The following PCDH11X variants were observed in gnomAD, a reference collection of about 807,000 sequenced individuals.
The protein encoded by PCDH11X is protocadherin-11 X-linked.
Under a neutral mutation model 53.3 loss-of-function variants are expected in PCDH11X, and 18 were observed. The observed-to-expected ratio is 0.34, with a 90% confidence interval of 0.23 to 0.50. PCDH11X has a LOEUF of 0.50. Among genes scored for constraint, PCDH11X ranks in the 20% least tolerant of loss-of-function variants. The pLI, the probability that PCDH11X is intolerant of heterozygous loss-of-function variation, is 0.98. For missense variants in PCDH11X, 570 were observed against 1,032.4 expected (o/e 0.55, Z 6.14); for synonymous variants, 279 against 393.3 (o/e 0.71, Z 3.44).
At chrX:92,092,030 C>A (rs1241155030) in intron 6 of PCDH11X, among the ~76,000 whole-genome samples, 4 of 111,316 alleles carry the variant, frequency 3.6e-5, no homozygotes, top group African/African-American at 6.5e-5. Flanking sequence ...TTTTTAATTT[C>A]TTCCTTGTTA....
chrX:92,610,644 A>G (rs1255298829), intron 10 of PCDH11X, among the ~76,000 whole-genome samples: 7 of 111,133 alleles, frequency 6.3e-5, no homozygotes, highest in Non-Finnish European at 1.1e-4. Flanking sequence ...ATTGCTTTTA[A>G]GGATTTAGTC....
At position 91,879,013 on chromosome X, in the gene PCDH11X, C is replaced by T. The variant is rs1328541725; in HGVS notation, c.2773C>T (p.Pro925Ser). 1.7e-6 allele frequency: 2 copies of T among 1,209,324 alleles called. No homozygotes were observed. The highest frequency in any genetic ancestry group is 2.2e-5 in the Admixed American group (1 of 45,658). ...TMGKYNWVTTPTTFKPDSPDL... is the reference protein window; with the variant it reads ...TMGKYNWVTTSTTFKPDSPDL... The stretch of plus-strand genomic sequence containing the variant: ...GGGAAAGTACAATTGGGTAACTACA[C>T]CTACTACTTTCAAGCCCGACAGCCC... The change falls in exon 6 of 11, where the codon CCT (proline) becomes TCT (serine). Residue 925 changes from proline to serine, a missense_variant. By Grantham distance (74) the Pro-to-Ser change is moderately conservative. Transcript: ENST00000682573.
In PCDH11X at chrX:92,262,408, G is replaced by A. The variant is rs768946120; in HGVS notation, c.3115-706G>A. On this transcript the variant is annotated intron_variant, in intron 7 of 10. Transcript: ENST00000682573. ...TTCAGTAACTTAATCCTCTACAAAG[G>A]AGAATGAATCCAAAAGGACAAATGG... Among the ~76,000 whole-genome samples, 3 of 111,448 alleles carry A rather than the reference G, an allele frequency of 2.7e-5. No individual in the cohort carries two copies. In the East Asian group the frequency reaches 8.5e-4, roughly 31 times the overall value.
chrX:92,411,713 T>C (rs1039656074), intron 9 of PCDH11X, among the ~76,000 whole-genome samples: 9 of 107,317 alleles, frequency 8.4e-5, no homozygotes, highest in African/African-American at 3.0e-4. Flanking sequence ...AAGTCTTTGC[T>C]TTTGTAAATA....
At position 91,965,367 on chromosome X, in the gene PCDH11X, TATGTCAAGC is replaced by T. The variant is rs763433928; in HGVS notation, c.3033+86098_3033+86106del. Reference sequence around the variant, plus strand: ...TGTATCACACAATGTATTATTTTTGTATGTCAAGCATGCAGGTGGGCCCTTGAAAATTCC... The same window carrying T: ...TGTATCACACAATGTATTATTTTTGTATGCAGGTGGGCCCTTGAAAATTCC... On this transcript the variant is annotated intron_variant, in intron 6 of 10. Transcript: ENST00000682573. Among the ~76,000 whole-genome samples the T allele has an allele frequency of 1.2e-4, 13 of 110,279 alleles. No homozygotes were observed. The Admixed American group carries it at 1.3e-3, about 11-fold the overall frequency.
At chrX:92,210,174 C>T (rs1397625682) in intron 7 of PCDH11X, among the ~76,000 whole-genome samples, 1 of 108,619 alleles carries the variant, frequency 9.2e-6, no homozygotes. Context: ...ACATTTGGCT[C>T]CTCTTTACAT....
chrX:91,843,809 T>C (rs1008959027), intron 5 of PCDH11X, among the ~76,000 whole-genome samples: 2 of 111,771 alleles, frequency 1.8e-5, no homozygotes, highest in African/African-American at 6.5e-5. Context: ...TGGCAGTTAA[T>C]ACTTTTTGCC....
At chrX:91,843,232 G>T (rs1937551923) in intron 5 of PCDH11X, among the ~76,000 whole-genome samples, 1 of 107,697 alleles carries the variant, frequency 9.3e-6, no homozygotes, top group Admixed American at 1.0e-4. Context: ...AAAGAGGAAA[G>T]AATATTTATT....
At chrX:92,597,860 A>C in intron 10 of PCDH11X, among the ~76,000 whole-genome samples, 1 of 111,648 alleles carries the variant, frequency 9.0e-6, no homozygotes, top group Non-Finnish European at 1.9e-5. Flanking sequence ...TCGAGAACCT[A>C]CAAACAAATC....
At chrX:92,484,285 GTA>G (rs1384569249) in intron 10 of PCDH11X, among the ~76,000 whole-genome samples, 4 of 100,142 alleles carry the variant, frequency 4.0e-5, no homozygotes, top group East Asian at 3.0e-4. Context: ...GTATATATAT[GTA>G]TATATATGTG....
chrX:91,950,454 G>A (rs1391805874), intron 6 of PCDH11X, among the ~76,000 whole-genome samples: 1 of 106,512 alleles, frequency 9.4e-6, no homozygotes, highest in South Asian at 4.2e-4. Flanking sequence ...ACAGCCACCA[G>A]TTCTACCCAA....
At chrX:92,277,087 C>T (rs767230112) in intron 8 of PCDH11X, among the ~76,000 whole-genome samples, 1 of 109,841 alleles carries the variant, frequency 9.1e-6, no homozygotes, top group East Asian at 2.9e-4. Flanking sequence ...CCTAGCTCAG[C>T]CTGGCGAGGA....
chrX:92,203,498 C>T (rs1238685429), intron 7 of PCDH11X, among the ~76,000 whole-genome samples: 15 of 112,431 alleles, frequency 1.3e-4, no homozygotes, highest in Non-Finnish European at 2.2e-4. Flanking sequence ...TTATTCCAGC[C>T]TGAATTAGTG....
intron 8 of PCDH11X, among the ~76,000 whole-genome samples, chrX:92,313,853 A>G (rs2069012148): frequency 9.0e-6 from 1 of 111,544 alleles, no homozygotes; most frequent in Admixed American, 9.6e-5. Context: ...AATACGGTAT[A>G]AAAAGGAAGA....
chrX:91,996,329 A>G (rs1258074565), intron 6 of PCDH11X, among the ~76,000 whole-genome samples: 2 of 94,512 alleles, frequency 2.1e-5, no homozygotes, highest in African/African-American at 4.0e-5. Context: ...TTGTATTTTT[A>G]GTAGAGACAG....
intron 10 of PCDH11X, among the ~76,000 whole-genome samples, chrX:92,548,460 C>CTG (rs1569503376): frequency 8.9e-6 from 1 of 111,871 alleles, no homozygotes; most frequent in Admixed American, 9.5e-5. Context: ...CATGAGCCAT[C>CTG]GCACGCAGCC....
At chrX:92,436,402 T>C (rs1436555870) in intron 9 of PCDH11X, among the ~76,000 whole-genome samples, 1 of 112,019 alleles carries the variant, frequency 8.9e-6, no homozygotes, top group African/African-American at 3.2e-5. Flanking sequence ...TCAACCATTA[T>C]GGAAAGCAGT....
intron 6 of PCDH11X, among the ~76,000 whole-genome samples, chrX:92,114,761 T>C (rs1393842679): frequency 9.0e-6 from 1 of 111,536 alleles, no homozygotes; most frequent in African/African-American, 3.3e-5. Flanking sequence ...GCTTCCATCT[T>C]GGAAACTCTC....
In PCDH11X at chrX:92,360,142, T is replaced by A. The variant is rs1367160174; in HGVS notation, c.3145-27593T>A. Among the ~76,000 whole-genome samples, 7 of 111,344 alleles carry A rather than the reference T, an allele frequency of 6.3e-5. No homozygotes were observed. The East Asian group carries it at 2.0e-3, about 31-fold the overall frequency. On this transcript the variant is annotated intron_variant, in intron 8 of 10. Coordinates refer to ENST00000682573, the MANE Select transcript of PCDH11X (RefSeq NM_032968.5). ...TTCAAAACTATTAATTCCTATTGTT[T>A]CCTTATTTTAGAAGTACTTGTAGGG...
Sources: gnomAD v4.1 joint callset for allele counts (sites outside exome capture counted in the v4.1 genomes callset) on GRCh38, gnomAD v4.1.1 for gene constraint, MANE v1.5 for transcripts, NCBI Gene and HGNC (gene_info 2026-07-23, HGNC 2026-07-21) for gene names.